The following SAP130 variants were observed in gnomAD, a reference collection of about 807,000 sequenced individuals.
SAP130 encodes histone deacetylase complex subunit SAP130.
Under a neutral mutation model 103.2 loss-of-function variants are expected in SAP130, and 16 were observed. That is an observed-to-expected ratio of 0.16 (90% CI 0.10 to 0.24). The LOEUF is 0.24. Ranked by LOEUF, SAP130 falls within the 10% of genes least tolerant of loss-of-function variation. SAP130 has a pLI of 1.00. For missense variants in SAP130, 990 were observed against 1,359.7 expected (o/e 0.73, Z 4.28); for synonymous variants, 477 against 497.0 (o/e 0.96, Z 0.53).
At position 127,971,262 on chromosome 2, in the gene SAP130, T is replaced by C. The variant is rs1681067952; in HGVS notation, c.2063+6723A>G. 2.6e-5 allele frequency among the ~76,000 whole-genome samples: 4 copies of C among 151,584 alleles called. No individual in the cohort carries two copies. In the South Asian group the frequency reaches 6.2e-4, roughly 24 times the overall value. ...ACCACAACACACGACTATCTTTCTTTGTATTTTATCCACTTTTTCATTTCT... is the reference window on the plus strand; with the variant it reads ...ACCACAACACACGACTATCTTTCTTCGTATTTTATCCACTTTTTCATTTCT... On this transcript the variant is annotated intron_variant, in intron 15 of 20. Coordinates refer to ENST00000643581, the MANE Select transcript of SAP130 (RefSeq NM_001330301.2).
Position 127,955,289 on chromosome 2 carries a change from T to G in SAP130, c.2119A>C (p.Met707Leu). 6.2e-7 allele frequency: 1 copy of G among 1,608,562 alleles called. No homozygotes were observed. The highest frequency in any genetic ancestry group is 2.2e-5 in the East Asian group (1 of 44,708). Residue 707 changes from methionine to leucine, a missense_variant, in exon 16 of 21, where the codon ATG becomes CTG. Met to Leu is a conservative substitution (Grantham distance 15). This residue lies in a region of SAP130 where 349 missense variants were observed against 384.1 expected (regional missense o/e 0.91). Coordinates refer to ENST00000643581, the MANE Select transcript of SAP130 (RefSeq NM_001330301.2). This position sits in a 1 kb window ranked among gnomAD's most constrained non-coding sequence, Gnocchi z 4.9. ...VSMATPVTVSMETVSNQNNDQ... is the reference protein window; with the variant it reads ...VSMATPVTVSLETVSNQNNDQ... ...TTATTTTGATTGGATACAGTCTCCATGGACACAGTGACCGGAGTGGCCATA... is the reference window on the plus strand; with the variant it reads ...TTATTTTGATTGGATACAGTCTCCAGGGACACAGTGACCGGAGTGGCCATA...
chr2:127,953,709 G>A lies in SAP130; in HGVS notation c.2422+1277C>T, dbSNP rs2104750080. Among the ~76,000 whole-genome samples the A allele has an allele frequency of 1.3e-5, 2 of 152,180 alleles. No homozygotes were observed. Among genetic ancestry groups the A allele is most frequent in the Non-Finnish European group, 2.9e-5 (2 of 67,998 alleles). On this transcript the variant is annotated intron_variant, in intron 16 of 20. Transcript: ENST00000643581. This position sits in a 1 kb window ranked among gnomAD's most constrained non-coding sequence, Gnocchi z 4.0. ...TCTGGCCTGGAATACCCTTTCCCCG[G>A]ATATCCTCATGGCCAGGAACTTCAT...
At chr2:127,995,746 C>T (rs1426117209) in intron 11 of SAP130, among the ~76,000 whole-genome samples, 8 of 152,126 alleles carry the variant, frequency 5.3e-5, no homozygotes, top group Admixed American at 3.3e-4. Context: ...GAAAAACATG[C>T]TTTTCCAGTA....
intron 15 of SAP130, among the ~76,000 whole-genome samples, chr2:127,962,292 C>G (rs1680311169): frequency 6.6e-6 from 1 of 152,124 alleles, no homozygotes; most frequent in Non-Finnish European, 1.5e-5. Flanking sequence ...TGTTATGGAC[C>G]ACTGATACTT....
intron 15 of SAP130, among the ~76,000 whole-genome samples, chr2:127,959,608 T>C (rs1680096253): frequency 6.6e-6 from 1 of 152,166 alleles, no homozygotes; most frequent in African/African-American, 2.4e-5. Context: ...ATAACCTATA[T>C]ATAAATCCAG....
rs1240377034 is a variant in SAP130, at chr2:128,016,403, T to C, written c.493A>G (p.Ile165Val). 1.2e-6 allele frequency: 2 copies of C among 1,613,004 alleles called. No individual in the cohort carries two copies. Among genetic ancestry groups the C allele is most frequent in the South Asian group, 1.1e-5 (1 of 90,814 alleles). Residue 165 changes from isoleucine to valine, a missense_variant, in exon 4 of 21, where the codon ATC (isoleucine) becomes GTC (valine). Ile to Val is a conservative substitution (Grantham distance 29). Coordinates refer to ENST00000643581, the MANE Select transcript of SAP130 (RefSeq NM_001330301.2). Reference protein sequence around the residue: ...PQASAIPVATISGQQGHPSNL... With the variant: ...PQASAIPVATVSGQQGHPSNL... ...GGAAGAAAAACCTGTTGTCCACTGA[T>C]TGTTGCCACAGGAATGGCTGAAGCT...
chr2:128,017,059 C>T (rs1399354571), intron 3 of SAP130, among the ~76,000 whole-genome samples: 3 of 152,250 alleles, frequency 2.0e-5, no homozygotes, highest in Non-Finnish European at 4.4e-5. Flanking sequence ...CAGTGGCTCA[C>T]GCCTGTAATC....
intron 15 of SAP130, among the ~76,000 whole-genome samples, chr2:127,964,549 A>AT (rs1235095076): frequency 6.6e-6 from 1 of 151,738 alleles, no homozygotes; most frequent in Non-Finnish European, 1.5e-5. Context: ...TGAAAGCATT[A>AT]TACAGCAGAA....
rs1269969392 is a variant in SAP130, at chr2:127,942,998, T to A, written c.2902-461A>T. On this transcript the variant is annotated intron_variant, in intron 19 of 20. Transcript: ENST00000643581. This position sits in a 1 kb window ranked among gnomAD's most constrained non-coding sequence, Gnocchi z 4.8. The stretch of plus-strand genomic sequence containing the variant: ...AGCGAAATTCCATCTAAAAAATAAA[T>A]AAATAAATAAATAAATAAAATAAAA... 1.3e-5 allele frequency among the ~76,000 whole-genome samples: 2 copies of A among 148,992 alleles called. No homozygotes were observed. Among genetic ancestry groups the A allele is most frequent in the Non-Finnish European group, 3.0e-5 (2 of 66,046 alleles).
rs181111704 is a variant in SAP130, at chr2:127,945,238, A to G, written c.2901+218T>C. On this transcript the variant is annotated intron_variant, in intron 19 of 20. Coordinates refer to ENST00000643581, the MANE Select transcript of SAP130 (RefSeq NM_001330301.2). ...AGGTCTTACACCACAGTTGTTCCAT[A>G]TATTTTGGATCTGGATACCAGAACT... Among the ~76,000 whole-genome samples the G allele has an allele frequency of 1.7e-3, 257 of 152,326 alleles. 3 individuals carry two copies. Among genetic ancestry groups the G allele is most frequent in the South Asian group, 0.012 (56 of 4,824 alleles).
chr2:127,949,588 C>T (rs1166172956), intron 18 of SAP130, among the ~76,000 whole-genome samples: 1 of 152,180 alleles, frequency 6.6e-6, no homozygotes, highest in East Asian at 1.9e-4. Context: ...TCTATCAGTA[C>T]TTTGGGAGCT....
At position 127,989,682 on chromosome 2, in the gene SAP130, C is replaced by A. The variant is rs144075418; in HGVS notation, c.1662G>T (p.Gly554=). The change falls in exon 13 of 21, where the codon GGG becomes GGT. Residue 554 remains glycine, a synonymous_variant. Transcript: ENST00000643581. This position sits in a 1 kb window ranked among gnomAD's most constrained non-coding sequence, Gnocchi z 4.6. The stretch of plus-strand genomic sequence containing the variant: ...GTGTGCCAAGTGGTGCAGGCTGTAT[C>A]CCTGGGGTCCCAATGGGGGCCGGCT... ...GIQPAPIGTP[G]IQPAPLGTQG... is the part of the protein sequence containing the mutation. 1.2e-6 allele frequency: 2 copies of A among 1,614,018 alleles called. No individual in the cohort carries two copies. The highest frequency in any genetic ancestry group is 8.5e-7 in the Non-Finnish European group (1 of 1,180,048).
intron 15 of SAP130, among the ~76,000 whole-genome samples, chr2:127,971,342 G>A (rs1343562476): frequency 6.9e-6 from 1 of 145,404 alleles, no homozygotes; most frequent in Non-Finnish European, 1.5e-5. Flanking sequence ...CTGGAGTGCA[G>A]TGGTGCAATC....
intron 15 of SAP130, among the ~76,000 whole-genome samples, chr2:127,970,236 A>T (rs1471355378): frequency 2.1e-5 from 3 of 143,162 alleles, no homozygotes; most frequent in African/African-American, 7.8e-5. Flanking sequence ...AAAAAAAAAA[A>T]AAAATTTTAA....
chr2:127,976,188 G>C (rs955732129), intron 15 of SAP130, among the ~76,000 whole-genome samples: 4 of 152,200 alleles, frequency 2.6e-5, no homozygotes, highest in African/African-American at 9.7e-5. Flanking sequence ...ACTGACAACT[G>C]CAAGTATCCT....
intron 18 of SAP130, among the ~76,000 whole-genome samples, chr2:127,949,644 T>C (rs1679355670): frequency 6.6e-6 from 1 of 152,204 alleles, no homozygotes; most frequent in Admixed American, 6.5e-5. Flanking sequence ...ACTTAACCAT[T>C]AAACTGCAAT....
rs746125081 is a variant in SAP130, at chr2:127,941,781, C to G, written c.*225G>C. ...ATCCGGAGTCACTTATGACACAGAT[C>G]AGGTTTAACAGGGGTGCACCCGAAC... is the stretch of plus-strand genomic sequence containing the variant. On this transcript the variant is annotated 3_prime_UTR_variant, in exon 21 of 21. Coordinates refer to ENST00000643581, the MANE Select transcript of SAP130 (RefSeq NM_001330301.2). 33 of 529,334 alleles carry G rather than the reference C, an allele frequency of 6.2e-5. No homozygotes were observed. The highest frequency in any genetic ancestry group is 1.1e-4 in the Non-Finnish European group (32 of 303,450). The allele number at this position is 529,334 out of a possible 1,614,324, so 32.8% of individuals were successfully genotyped here.
At chr2:128,004,774 C>A (rs924393951) in intron 7 of SAP130, among the ~76,000 whole-genome samples, 1 of 152,068 alleles carries the variant, frequency 6.6e-6, no homozygotes, top group Non-Finnish European at 1.5e-5. Flanking sequence ...AGAGGCTTTG[C>A]CATTTTAAGT....
rs183281122 is a variant in SAP130 at position 127,973,633 on chromosome 2, A to T, written c.2063+4352T>A. 4.6e-3 allele frequency among the ~76,000 whole-genome samples: 693 copies of T among 152,212 alleles called. 6 individuals carry two copies. The highest frequency in any genetic ancestry group is 0.016 in the African/African-American group (651 of 41,522). On this transcript the variant is annotated intron_variant, in intron 15 of 20. Transcript: ENST00000643581. The stretch of plus-strand genomic sequence containing the variant: ...AAGTAAAACGACTGAAACTAACCTG[A>T]TTTTTTTCCTGCTATTCTCATAGCT...
Sources: allele counts gnomAD v4.1 joint callset (sites outside exome capture counted in the v4.1 genomes callset), GRCh38; gene constraint gnomAD v4.1.1; regional missense constraint gnomAD v4.1.1; non-coding constraint Gnocchi (gnomAD v3.1); transcripts MANE v1.5; gene names NCBI Gene and HGNC (gene_info 2026-07-23, HGNC 2026-07-21).